Variants in OR6N1 observed in about 807,000 individuals in gnomAD.
The protein encoded by OR6N1 is olfactory receptor 6N1.
For missense variants in OR6N1, 394 were observed against 371.7 expected, an observed-to-expected ratio of 1.06 and a Z score of -0.49; for synonymous variants, 170 against 150.7, an observed-to-expected ratio of 1.13 and a Z score of -0.94.
chr1:158,819,645 T>C, the OR6N1 span, among the ~76,000 whole-genome samples: 1 of 152,150 alleles, frequency 6.6e-6, no homozygotes, highest in Non-Finnish European at 1.5e-5. Context: ...TTGCCATACT[T>C]GTTTGTTCTT....
At chr1:158,833,747 A>C in the OR6N1 span, among the ~76,000 whole-genome samples, 1 of 152,140 alleles carries the variant, frequency 6.6e-6, no homozygotes, top group Non-Finnish European at 1.5e-5. Flanking sequence ...TTATTCATTC[A>C]TCCATTGAAG....
the OR6N1 span, among the ~76,000 whole-genome samples, chr1:158,812,459 A>G: frequency 2.6e-5 from 4 of 152,194 alleles, no homozygotes; most frequent in African/African-American, 4.8e-5. Flanking sequence ...CTCATTTAAC[A>G]TTTATGCTGT....
rs6700647 is a variant in OR6N1, at chr1:158,765,355, A to G, written c.*389T>C. 20,962 of 160,784 alleles carry G rather than the reference A, an allele frequency of 0.13. 1,599 individuals are homozygous for G. Among genetic ancestry groups the G allele is most frequent in the Admixed American group, 0.23 (3,727 of 16,394 alleles). 10.0% of individuals were successfully genotyped at this position (160,784 alleles called of 1,614,324 possible). On this transcript the variant is annotated 3_prime_UTR_variant, in exon 2 of 2. Transcript: ENST00000641846. The stretch of plus-strand genomic sequence containing the variant: ...AATGATTGCAAGTGGTACAAAAAAC[A>G]TCATGAATCACATTTTGTTTAGGAC...
chr1:158,791,240 T>A, the OR6N1 span, among the ~76,000 whole-genome samples: 1 of 152,210 alleles, frequency 6.6e-6, no homozygotes, highest in African/African-American at 2.4e-5. Context: ...CCTTTAATGC[T>A]ATAAACATCG....
chr1:158,789,704 G>A, the OR6N1 span, among the ~76,000 whole-genome samples: 53 of 152,164 alleles, frequency 3.5e-4, no homozygotes, highest in Non-Finnish European at 6.3e-4. Context: ...TTACTATGGA[G>A]TTATTTGAGT....
At chr1:158,811,622 C>T in the OR6N1 span, among the ~76,000 whole-genome samples, 2 of 152,060 alleles carry the variant, frequency 1.3e-5, no homozygotes, top group Non-Finnish European at 2.9e-5. Flanking sequence ...AAGCCCTGAT[C>T]CACTGGAGAA....
At chr1:158,805,172 T>A in the OR6N1 span, among the ~76,000 whole-genome samples, 17 of 152,240 alleles carry the variant, frequency 1.1e-4, no homozygotes, top group Non-Finnish European at 2.2e-4. Context: ...TATTTCATTT[T>A]GTTCTCTGAT....
At chr1:158,810,507 G>C in the OR6N1 span, among the ~76,000 whole-genome samples, 8 of 152,118 alleles carry the variant, frequency 5.3e-5, no homozygotes, top group African/African-American at 1.7e-4. Context: ...TGTGCAAAAG[G>C]AAGTGCAGCA....
At chr1:158,820,842 G>A in the OR6N1 span, among the ~76,000 whole-genome samples, 1 of 152,068 alleles carries the variant, frequency 6.6e-6, no homozygotes, top group African/African-American at 2.4e-5. Context: ...TTTGGCCATG[G>A]CCTGGAAAAA....
chr1:158,770,898 T>C (rs1340569906), intron 1 of OR6N1, among the ~76,000 whole-genome samples: 1 of 152,210 alleles, frequency 6.6e-6, no homozygotes, highest in Non-Finnish European at 1.5e-5. Flanking sequence ...AGTTTACAAC[T>C]GTCCTTTCCA....
In OR6N1 at chr1:158,764,656, A is replaced by C. The variant is rs1657196838; in HGVS notation, c.*1088T>G. On this transcript the variant is annotated 3_prime_UTR_variant, in exon 2 of 2. Transcript: ENST00000641846. The stretch of plus-strand genomic sequence containing the variant: ...CCATTCATGGAAGGATACATAAAGA[A>C]TACATAATATTAGCTATTAATTGAA... 1 of 152,160 alleles carries C rather than the reference A, an allele frequency of 6.6e-6. No individual in the cohort carries two copies. Among genetic ancestry groups the C allele is most frequent in the African/African-American group, 2.4e-5 (1 of 41,456 alleles). The allele number at this position is 152,160 out of a possible 1,614,324, so 9.4% of individuals were successfully genotyped here.
the OR6N1 span, among the ~76,000 whole-genome samples, chr1:158,837,380 G>A: frequency 0.011 from 1,664 of 151,696 alleles, 18 homozygotes; most frequent in Middle Eastern, 0.02. Context: ...TATATTAGGA[G>A]CCCTGATGTT....
At chr1:158,784,396 C>T in the OR6N1 span, among the ~76,000 whole-genome samples, 1 of 152,178 alleles carries the variant, frequency 6.6e-6, no homozygotes. Context: ...TCCTTCTCCT[C>T]ATATTTGTAA....
chr1:158,777,299 A>G, the OR6N1 span: 1 of 1,614,174 alleles, frequency 6.2e-7, no homozygotes, highest in South Asian at 1.1e-5. Context: ...GTAAGAAGGT[A>G]GCATTCAGAC....
the OR6N1 span, among the ~76,000 whole-genome samples, chr1:158,832,214 C>T: frequency 6.6e-6 from 1 of 151,976 alleles, no homozygotes; most frequent in Non-Finnish European, 1.5e-5. Context: ...ATATTTCCTA[C>T]TTTGGGATAC....
the OR6N1 span, among the ~76,000 whole-genome samples, chr1:158,813,696 T>C: frequency 8.1e-6 from 1 of 122,770 alleles, no homozygotes; most frequent in Non-Finnish European, 1.7e-5. Context: ...ATATGTATGG[T>C]CTTTTTTTTT....
chr1:158,790,553 C>T, the OR6N1 span, among the ~76,000 whole-genome samples: 4 of 151,920 alleles, frequency 2.6e-5, 1 homozygote, highest in South Asian at 8.3e-4. Context: ...TACAGGTGCT[C>T]GCCACCACGC....
chr1:158,814,889 T>C, the OR6N1 span, among the ~76,000 whole-genome samples: 1 of 152,192 alleles, frequency 6.6e-6, no homozygotes, highest in Non-Finnish European at 1.5e-5. Flanking sequence ...CACTGAGGTA[T>C]ACAGAAAGGC....
the OR6N1 span, among the ~76,000 whole-genome samples, chr1:158,814,304 CTG>C: frequency 3.6e-4 from 54 of 151,788 alleles, 1 homozygote; most frequent in African/African-American, 1.2e-3. Flanking sequence ...ATGTGCACAC[CTG>C]TGTGTGTGTA....
Sources: allele counts gnomAD v4.1 joint callset (sites outside exome capture counted in the v4.1 genomes callset), GRCh38; gene constraint gnomAD v4.1.1; transcripts MANE v1.5; gene names NCBI Gene and HGNC (gene_info 2026-07-23, HGNC 2026-07-21).